MED13L: variants seen among roughly 807,000 people sequenced by gnomAD.
MED13L encodes the protein mediator complex subunit 13L.
In MED13L, 7 loss-of-function variants were observed where a neutral mutation model predicts 220.9. The observed-to-expected ratio is 0.03, with a 90% CI of 0.02 to 0.06. The LOEUF (loss-of-function observed/expected upper bound fraction) is 0.06. Ranked by LOEUF, MED13L falls within the 10% of genes least tolerant of loss-of-function variation. The pLI is 1.00. For synonymous variants in MED13L, 1,011 were observed against 1,015.2 expected (o/e 1.00, Z 0.08); for missense variants, 1,965 against 2,760.5 (o/e 0.71, Z 6.46).
At chr12:116,262,864 A>C (rs1007430371) in intron 1 of MED13L, among the ~76,000 whole-genome samples, 1 of 152,188 alleles carries the variant, frequency 6.6e-6, no homozygotes, top group Non-Finnish European at 1.5e-5. Context: ...TAGCAACAAA[A>C]TATCATCTTC....
chr12:116,119,809 T>TTAAAAA (rs1874842410), intron 2 of MED13L, among the ~76,000 whole-genome samples: 2 of 38,784 alleles, frequency 5.2e-5, no homozygotes, highest in African/African-American at 2.2e-4. Context: ...CCCATATCTT[T>TTAAAAA]AAAAAAAAAA....
intron 4 of MED13L, chr12:116,082,640 C>T (rs1402539289): frequency 6.6e-6 from 1 of 151,718 alleles, no homozygotes; most frequent in Non-Finnish European, 1.5e-5. Context: ...CCCTGCACAA[C>T]GATGACATGC....
At chr12:116,170,089 T>C (rs187276128) in intron 2 of MED13L, among the ~76,000 whole-genome samples, 3 of 152,304 alleles carry the variant, frequency 2.0e-5, no homozygotes, top group East Asian at 3.9e-4. Context: ...CAATCTATCA[T>C]ACACTTTGAT....
chr12:116,260,201 C>G (rs920370980), intron 1 of MED13L, among the ~76,000 whole-genome samples: 5 of 152,094 alleles, frequency 3.3e-5, no homozygotes, highest in African/African-American at 1.2e-4. Context: ...TCAGGGTAGC[C>G]AAGTGAAAAA....
chr12:116,262,375 C>A (rs1174975327), intron 1 of MED13L, among the ~76,000 whole-genome samples: 1 of 151,992 alleles, frequency 6.6e-6, no homozygotes, highest in Admixed American at 6.6e-5. Context: ...AGATAGATTA[C>A]AAGGAATCTA....
chr12:116,242,909 T>C (rs1285026903), intron 1 of MED13L, among the ~76,000 whole-genome samples: 1 of 152,222 alleles, frequency 6.6e-6, no homozygotes, highest in Non-Finnish European at 1.5e-5. Flanking sequence ...TAGAGGATTA[T>C]AAAATAGTAC....
At chr12:116,221,974 A>G (rs1032264719) in intron 2 of MED13L, among the ~76,000 whole-genome samples, 1 of 152,182 alleles carries the variant, frequency 6.6e-6, no homozygotes, top group Non-Finnish European at 1.5e-5. Flanking sequence ...AAAACATCCA[A>G]TGCCCATATA....
chr12:116,071,803 C>T (rs1870391520), intron 4 of MED13L, among the ~76,000 whole-genome samples: 1 of 147,770 alleles, frequency 6.8e-6, no homozygotes, highest in Admixed American at 6.7e-5. Context: ...GGCCAGTAAA[C>T]ATTATTTTAT....
intron 2 of MED13L, among the ~76,000 whole-genome samples, chr12:116,154,797 T>A (rs1221646121): frequency 6.6e-6 from 1 of 152,256 alleles, no homozygotes; most frequent in Admixed American, 6.5e-5. Context: ...GATAAAGATA[T>A]TCTTTTTATT....
intron 23 of MED13L, 199 bp downstream of exon 23, chr12:115,980,551 T>C (rs1877252152): frequency 1.6e-6 from 1 of 640,404 alleles, no homozygotes; most frequent in African/African-American, 1.8e-5. Flanking sequence ...CTCAAACTCC[T>C]AGGCTTAAGC....
chr12:116,031,816 G>GA (rs1208931383), intron 4 of MED13L, among the ~76,000 whole-genome samples: 2 of 150,688 alleles, frequency 1.3e-5, no homozygotes, highest in African/African-American at 4.9e-5. Context: ...AAGAGAGAAA[G>GA]AAAAAAAGAA....
chr12:116,186,192 A>G (rs1279328953), intron 2 of MED13L, among the ~76,000 whole-genome samples: 3 of 152,230 alleles, frequency 2.0e-5, no homozygotes, highest in South Asian at 2.1e-4. Context: ...AGCTATAATT[A>G]TTGCATAAAA....
chr12:116,048,244 A>G (rs1201597383), intron 4 of MED13L, among the ~76,000 whole-genome samples: 1 of 152,204 alleles, frequency 6.6e-6, no homozygotes, highest in East Asian at 1.9e-4. Context: ...CTAGGAACTG[A>G]AAAAGGAATC....
At chr12:116,248,607 C>A (rs1295564707) in intron 1 of MED13L, among the ~76,000 whole-genome samples, 1 of 152,230 alleles carries the variant, frequency 6.6e-6, no homozygotes, top group African/African-American at 2.4e-5. Flanking sequence ...AAACTGTGGT[C>A]TGGGGGCTAA....
chr12:116,125,234 G>T (rs879278132), intron 2 of MED13L, among the ~76,000 whole-genome samples: 3 of 152,200 alleles, frequency 2.0e-5, no homozygotes, highest in Non-Finnish European at 4.4e-5. Context: ...TATTCAGGCT[G>T]CTGAGGTGGG....
At chr12:116,011,826 A>G (rs1879426372) in intron 9 of MED13L, among the ~76,000 whole-genome samples, 1 of 152,210 alleles carries the variant, frequency 6.6e-6, no homozygotes, top group East Asian at 1.9e-4. Flanking sequence ...ATAAAGAATC[A>G]ATTCAAGGGG....
chr12:115,990,166 C>T (rs1049828994), intron 17 of MED13L, among the ~76,000 whole-genome samples: 2 of 152,308 alleles, frequency 1.3e-5, no homozygotes, highest in South Asian at 2.1e-4. Flanking sequence ...ACACATGCCT[C>T]GCTCCCCATT....
chr12:116,250,105 A>G (rs1288845391), intron 1 of MED13L, among the ~76,000 whole-genome samples: 1 of 151,354 alleles, frequency 6.6e-6, no homozygotes, highest in Non-Finnish European at 1.5e-5. Context: ...AAAGGAAAAT[A>G]TTACAAGTCG....
chr12:115,989,836 T>C (rs1877939678), intron 17 of MED13L, among the ~76,000 whole-genome samples: 2 of 152,196 alleles, frequency 1.3e-5, no homozygotes, highest in Admixed American at 1.3e-4. Context: ...AGGCAAGCTA[T>C]TGTTTCTTAC....
Sources: gnomAD v4.1 joint callset for allele counts (sites outside exome capture counted in the v4.1 genomes callset) on GRCh38, gnomAD v4.1.1 for gene constraint, MANE v1.5 for transcripts, NCBI Gene and HGNC (gene_info 2026-07-23, HGNC 2026-07-21) for gene names.